The following GRIK1 variants were observed in gnomAD, a reference collection of about 807,000 sequenced individuals.
GRIK1 encodes glutamate ionotropic receptor kainate type subunit 1, also known as glutamate receptor ionotropic, kainate 1.
Under a neutral mutation model 105.7 loss-of-function variants are expected in GRIK1, and 69 were observed. That is an observed-to-expected ratio of 0.65 (90% CI 0.54 to 0.80). The LOEUF (loss-of-function observed/expected upper bound fraction) is 0.80, where lower values mean the gene tolerates loss of function less well. Ranked by LOEUF, GRIK1 falls within the 30% of genes least tolerant of loss-of-function variation. GRIK1 has a pLI of 0.00. For missense variants in GRIK1, 1,109 were observed against 1,167.3 expected, an observed-to-expected ratio of 0.95 and a Z score of 0.73; for synonymous variants, 438 against 431.3, an observed-to-expected ratio of 1.02 and a Z score of -0.19.
At chr21:29,840,780 C>T (rs751748792) in intron 1 of GRIK1, among the ~76,000 whole-genome samples, 3 of 152,000 alleles carry the variant, frequency 2.0e-5, no homozygotes, top group African/African-American at 7.2e-5. Context: ...CAATGCAGAA[C>T]AAGAAAGCTT....
intron 1 of GRIK1, among the ~76,000 whole-genome samples, chr21:29,746,368 G>T (rs1364787346): frequency 6.6e-6 from 1 of 152,226 alleles, no homozygotes; most frequent in Non-Finnish European, 1.5e-5. Flanking sequence ...GTAAAACAGT[G>T]TAAGGGCAAG....
chr21:29,689,356 G>A (rs571802409), intron 3 of GRIK1, among the ~76,000 whole-genome samples: 1 of 152,116 alleles, frequency 6.6e-6, no homozygotes, highest in African/African-American at 2.4e-5. Context: ...CATTTACATA[G>A]CTACTTATCA....
chr21:29,711,682 G>A (rs1459868675), intron 1 of GRIK1, among the ~76,000 whole-genome samples: 1 of 151,762 alleles, frequency 6.6e-6, no homozygotes, highest in African/African-American at 2.4e-5. Context: ...TAAAGCATTG[G>A]GTTTGTAGGT....
At position 29,879,741 on chromosome 21, in the gene GRIK1, T is replaced by A. The variant is rs1373633871; in HGVS notation, c.118+59642A>T. ...GAAAAACGGTAGCTCTTTAAGGAGC[T>A]AGTTTATTAAAAAGAAAGAGGATAA... On this transcript the variant is annotated intron_variant, in intron 1 of 17. Coordinates refer to ENST00000327783, the MANE Select transcript of GRIK1 (RefSeq NM_001330994.2). 2.0e-5 allele frequency among the ~76,000 whole-genome samples: 3 copies of A among 152,138 alleles called. No individual in the cohort carries two copies. In the East Asian group the frequency reaches 5.8e-4, roughly 29 times the overall value.
chr21:29,667,928 A>G (rs1460470325), intron 4 of GRIK1, among the ~76,000 whole-genome samples: 1 of 152,248 alleles, frequency 6.6e-6, no homozygotes, highest in Non-Finnish European at 1.5e-5. Context: ...TTAATAGTAT[A>G]GGATTTCATA....
At chr21:29,861,866 A>G (rs1370911249) in intron 1 of GRIK1, among the ~76,000 whole-genome samples, 1 of 152,088 alleles carries the variant, frequency 6.6e-6, no homozygotes, top group Admixed American at 6.5e-5. Context: ...CAGCTTGCTA[A>G]TATTTTGTTG....
At chr21:29,867,116 C>A (rs1452515148) in intron 1 of GRIK1, among the ~76,000 whole-genome samples, 3 of 152,144 alleles carry the variant, frequency 2.0e-5, no homozygotes, top group Non-Finnish European at 4.4e-5. Context: ...GGAAAACACT[C>A]CATGTCTCTT....
At position 29,656,375 on chromosome 21, in the gene GRIK1, A is replaced by AG. The variant is rs2062852424; in HGVS notation, c.727-1513_727-1512insC. ...GACTCAAAAAAAAAAAAAAAAAAAAAAAAAAAAAAAAAAAGAAATGAAGAG... is the reference window on the plus strand; with the variant it reads ...GACTCAAAAAAAAAAAAAAAAAAAAAGAAAAAAAAAAAAAAGAAATGAAGAG... On this transcript the variant is annotated intron_variant, in intron 4 of 17. Transcript: ENST00000327783. Among the ~76,000 whole-genome samples the AG allele has an allele frequency of 4.9e-5, 5 of 101,262 alleles. No individual in the cohort carries two copies. In the Admixed American group the frequency reaches 5.1e-4, roughly 10 times the overall value. The allele number at this position is 101,262 out of a possible 152,430, so 66.4% of individuals were successfully genotyped here.
chr21:29,589,148 T>A (rs893155765), intron 10 of GRIK1, 106 bp from the exon 11 acceptor site: 49 of 673,268 alleles, frequency 7.3e-5, no homozygotes, highest in Non-Finnish European at 1.2e-4. Context: ...TTTGAAGAGC[T>A]GAGAGTACTG....
At chr21:29,920,959 A>G (rs2071172395) in intron 1 of GRIK1, among the ~76,000 whole-genome samples, 1 of 151,918 alleles carries the variant, frequency 6.6e-6, no homozygotes, top group African/African-American at 2.4e-5. Flanking sequence ...CTTCTGGAGC[A>G]GGATTTCCAA....
intron 1 of GRIK1, among the ~76,000 whole-genome samples, chr21:29,705,255 C>T (rs1008198653): frequency 2.6e-5 from 4 of 152,110 alleles, no homozygotes; most frequent in East Asian, 1.9e-4. Flanking sequence ...CAGTATATAC[C>T]GATGTGTGTG....
chr21:29,604,916 C>G (rs1471519962), intron 7 of GRIK1, among the ~76,000 whole-genome samples: 4 of 152,106 alleles, frequency 2.6e-5, no homozygotes, highest in Non-Finnish European at 5.9e-5. Flanking sequence ...TATTTATTGT[C>G]CAAATTAAAT....
chr21:29,799,578 G>A (rs2066648598), intron 1 of GRIK1, among the ~76,000 whole-genome samples: 2 of 152,178 alleles, frequency 1.3e-5, no homozygotes, highest in African/African-American at 2.4e-5. Context: ...CGCCCAGGCT[G>A]GAGTGCAGTG....
intron 7 of GRIK1, among the ~76,000 whole-genome samples, chr21:29,607,615 A>G (rs181964894): frequency 8.3e-4 from 127 of 152,328 alleles, no homozygotes; most frequent in Middle Eastern, 3.4e-3. Flanking sequence ...TCATGTAACC[A>G]AAGTGCATAT....
At position 29,695,941 on chromosome 21, in the gene GRIK1, A is replaced by G. The variant is rs187660059; in HGVS notation, c.119-1878T>C. ...ATAGAAAAAGTCTGAAACGAAAATC[A>G]CAAATACGCATCATGCGCGTCATTT... On this transcript the variant is annotated intron_variant, in intron 1 of 17. Transcript: ENST00000327783. 1.8e-3 allele frequency among the ~76,000 whole-genome samples: 278 copies of G among 152,376 alleles called. 2 individuals are homozygous for G. The highest frequency in any genetic ancestry group is 2.3e-3 in the East Asian group (12 of 5,192).
chr21:29,702,420 G>A (rs1035889181), intron 1 of GRIK1, among the ~76,000 whole-genome samples: 1 of 152,138 alleles, frequency 6.6e-6, no homozygotes, highest in African/African-American at 2.4e-5. Flanking sequence ...CACCATAAAG[G>A]TGGCATTTAA....
chr21:29,604,144 C>G (rs1342744779), intron 7 of GRIK1, among the ~76,000 whole-genome samples: 1 of 152,170 alleles, frequency 6.6e-6, no homozygotes, highest in Non-Finnish European at 1.5e-5. Flanking sequence ...TTTGGATTCT[C>G]TTGCATTGAT....
At position 29,591,056 on chromosome 21, in the gene GRIK1, G is replaced by A. The variant is rs147859138; in HGVS notation, c.1365+56C>T. Reference sequence around the variant, plus strand: ...GAAAAAGACAGTTGAGGAATGCTTCGAAGTCTAAGGCAGGAGCCTGGATAA... The same window carrying A: ...GAAAAAGACAGTTGAGGAATGCTTCAAAGTCTAAGGCAGGAGCCTGGATAA... On this transcript the variant is annotated intron_variant, in intron 10 of 17. Transcript: ENST00000327783. 1.1e-4 allele frequency: 101 copies of A among 935,342 alleles called. 1 individual carries two copies. Among genetic ancestry groups the A allele is most frequent in the South Asian group, 1.1e-3 (83 of 77,514 alleles). The allele number at this position is 935,342 out of a possible 1,614,324, so 57.9% of individuals were successfully genotyped here.
At position 29,832,979 on chromosome 21, in the gene GRIK1, C is replaced by T. The variant is rs145486268; in HGVS notation, c.118+106404G>A. 5.3e-5 allele frequency among the ~76,000 whole-genome samples: 8 copies of T among 152,202 alleles called. No individual in the cohort carries two copies. In the East Asian group the frequency reaches 1.6e-3, roughly 30 times the overall value. ...AAAGACAAACATAGGTTGCTAGAAGCAGCCAGGTCACTTCTTGAACATTTT... is the reference window on the plus strand; with the variant it reads ...AAAGACAAACATAGGTTGCTAGAAGTAGCCAGGTCACTTCTTGAACATTTT... On this transcript the variant is annotated intron_variant, in intron 1 of 17. Transcript: ENST00000327783.
Sources: gnomAD v4.1 joint callset for allele counts (sites outside exome capture counted in the v4.1 genomes callset) on GRCh38, gnomAD v4.1.1 for gene constraint, MANE v1.5 for transcripts, NCBI Gene and HGNC (gene_info 2026-07-23, HGNC 2026-07-21) for gene names.